Variants in CTDSP1 observed in about 807,000 individuals in gnomAD.
CTDSP1 encodes carboxy-terminal domain RNA polymerase II polypeptide A small phosphatase 1.
In CTDSP1, 15 loss-of-function variants were observed where a neutral mutation model predicts 32.5. The ratio of observed to expected loss-of-function variants is 0.46; its 90% CI spans 0.31 to 0.71. The LOEUF (loss-of-function observed/expected upper bound fraction) is 0.71, where lower values mean the gene tolerates loss of function less well. CTDSP1 is among the 30% of genes least tolerant of loss of function. The probability of loss-of-function intolerance (pLI) is 0.05; values close to 1 mark genes in which losing one functional copy is unlikely to be tolerated. For synonymous variants in CTDSP1, 185 were observed against 145.4 expected, an observed-to-expected ratio of 1.27 and a Z score of -1.96; for missense variants, 294 against 351.1, an observed-to-expected ratio of 0.84 and a Z score of 1.30.
chr2:218,401,463 CG>C (rs1697134586), intron 1 of CTDSP1, 100 bp from the exon 2 acceptor site: 2 of 1,395,512 alleles, frequency 1.4e-6, no homozygotes, highest in East Asian at 4.7e-5. Context: ...GAAGGGGCCA[CG>C]GCAAGATCCT....
At chr2:218,402,600 T>C (rs754385144) in intron 4 of CTDSP1, 195 bp downstream of exon 4, 1 of 758,628 alleles carries the variant, frequency 1.3e-6, no homozygotes, top group Admixed American at 1.9e-5. Context: ...CAGAGTGGGC[T>C]CCTCCTCTAG....
Position 218,405,694 on chromosome 2 carries a change from T to A in CTDSP1, c.*1269T>A, listed in dbSNP as rs1043990400. The A allele has an allele frequency of 9.8e-5, 15 of 152,902 alleles. No homozygotes were observed. The Admixed American group carries it at 9.8e-4, about 10-fold the overall frequency. The allele number at this position is 152,902 out of a possible 1,614,324, so 9.5% of individuals were successfully genotyped here. ...GCCTTCCAACTGTTTCTGAAGCCCC[T>A]CCTCCTAACATGGCGATTCCGGAGG... On this transcript the variant is annotated 3_prime_UTR_variant, in exon 7 of 7. Transcript: ENST00000273062.
At chr2:218,398,548 T>C, upstream of CTDSP1, 1 of 1,167,476 alleles carries the variant, frequency 8.6e-7, no homozygotes, top group South Asian at 1.7e-5. Context: ...CCGCGCCTTC[T>C]GGCAGACGCC....
chr2:218,402,044 A>T, intron 2 of CTDSP1, 67 bp from the exon 3 acceptor site: 1 of 1,099,374 alleles, frequency 9.1e-7, no homozygotes, highest in Non-Finnish European at 1.4e-6. Flanking sequence ...CTAGGGGGAG[A>T]AGCCTGCGTG....
intron 4 of CTDSP1, chr2:218,402,714 G>C (rs781643021): frequency 1.3e-6 from 1 of 758,270 alleles, no homozygotes; most frequent in Admixed American, 1.7e-5. Context: ...TACTTGGCTC[G>C]GGGACCGGTG....
intron 4 of CTDSP1, 78 bp from the exon 5 acceptor site, chr2:218,402,957 G>A: frequency 9.4e-7 from 1 of 1,068,126 alleles, no homozygotes; most frequent in Non-Finnish European, 1.4e-6. Flanking sequence ...CTGCCTCCCT[G>A]GCCCATGCCC....
upstream of CTDSP1, chr2:218,399,867 T>C: frequency 1.6e-6 from 2 of 1,243,426 alleles, no homozygotes; most frequent in Non-Finnish European, 2.0e-6. Flanking sequence ...GTTCCATGTT[T>C]GCATCCGCCT....
chr2:218,403,001 T>C, intron 4 of CTDSP1, 34 bp from the exon 5 acceptor site: 4 of 1,515,944 alleles, frequency 2.6e-6, no homozygotes, highest in Non-Finnish European at 3.7e-6. Context: ...ACTGCCCCAC[T>C]GGCCCGCAGC....
At chr2:218,396,445 G>A (rs574282017), upstream of CTDSP1, 2 of 152,570 alleles carry the variant, frequency 1.3e-5, no homozygotes, top group Non-Finnish European at 2.9e-5. Context: ...CCTGGGCCGG[G>A]TGTTGCACCT....
chr2:218,397,763 C>A (rs1215546231), upstream of CTDSP1, among the ~76,000 whole-genome samples: 2 of 152,200 alleles, frequency 1.3e-5, no homozygotes, highest in African/African-American at 4.8e-5. Flanking sequence ...CCCCCTCCCC[C>A]CACGCAATCC....
In CTDSP1 at chr2:218,405,534, G is replaced by A. The variant is rs1291073569; in HGVS notation, c.*1109G>A. The A allele has an allele frequency of 1.3e-5, 2 of 153,068 alleles. No individual in the cohort carries two copies. The highest frequency in any genetic ancestry group is 4.8e-5 in the African/African-American group (2 of 41,456). 9.5% of individuals were successfully genotyped at this position (153,068 alleles called of 1,614,324 possible). ...CACCGGTGCCTTTGGGGGATCTGTA[G>A]GAGGTGGGACCTTCTGTGGGGTTTG... is the stretch of plus-strand genomic sequence containing the variant. On this transcript the variant is annotated 3_prime_UTR_variant, in exon 7 of 7. Coordinates refer to ENST00000273062, the MANE Select transcript of CTDSP1 (RefSeq NM_021198.3).
chr2:218,400,354 C>A, intron 1 of CTDSP1, 197 bp downstream of exon 1: 1 of 690,960 alleles, frequency 1.4e-6, no homozygotes, highest in African/African-American at 1.8e-5. Context: ...GGCCTGGCGC[C>A]TTTGGGGCGC....
In CTDSP1 at chr2:218,402,235, C is replaced by T. The variant is rs745358670; in HGVS notation, c.321+20C>T. 2 of 1,612,298 alleles carry T rather than the reference C, an allele frequency of 1.2e-6. No individual in the cohort carries two copies. Among genetic ancestry groups the T allele is most frequent in the Non-Finnish European group, 1.7e-6 (2 of 1,178,574 alleles). ...TTCAAGGTGGGCCCTGCTCAACAGC[C>T]CTCAGCCCGGGTCTCGGGGGGCATC... is the stretch of plus-strand genomic sequence containing the variant. On this transcript the variant is annotated intron_variant, in intron 3 of 6. Coordinates refer to ENST00000273062, the MANE Select transcript of CTDSP1 (RefSeq NM_021198.3).
intron 1 of CTDSP1, 39 bp from the exon 2 acceptor site, chr2:218,401,525 G>C (rs1358105654): frequency 1.9e-6 from 3 of 1,610,528 alleles, no homozygotes; most frequent in East Asian, 2.2e-5. Context: ...CTGCAGGCCA[G>C]TGTGCACCGA....
At chr2:218,402,511 T>A in intron 4 of CTDSP1, 106 bp downstream of exon 4, 5 of 1,152,968 alleles carry the variant, frequency 4.3e-6, no homozygotes, top group Non-Finnish European at 6.5e-6. Flanking sequence ...ACATGTGGAA[T>A]GTCAGAGGCC....
At chr2:218,402,434 C>T (rs761873445) in intron 4 of CTDSP1, 29 bp downstream of exon 4, 33 of 1,594,222 alleles carry the variant, frequency 2.1e-5, no homozygotes, top group Non-Finnish European at 2.7e-5. Flanking sequence ...CAGTGGTGGG[C>T]TTGGCATCTG....
rs776313857 is a variant in CTDSP1, at chr2:218,402,148, C to T, written c.254C>T (p.Ala85Val). 2 of 1,613,662 alleles carry T rather than the reference C, an allele frequency of 1.2e-6. No individual in the cohort carries two copies. The highest frequency in any genetic ancestry group is 8.5e-7 in the Non-Finnish European group (1 of 1,179,924). ...CAATACCTGCTCCCTGAGGCCAAGGCCCAGGACTCAGACAAGATCTGCGTG... is the reference window on the plus strand; with the variant it reads ...CAATACCTGCTCCCTGAGGCCAAGGTCCAGGACTCAGACAAGATCTGCGTG... ...PVQYLLPEAK[A>V]QDSDKICVVI... The change falls in exon 3 of 7, where the codon GCC (alanine) becomes GTC (valine). Residue 85 changes from alanine to valine, a missense_variant. Around this residue, in one of 2 missense-constraint regions of CTDSP1, gnomAD observed 148 missense variants for 113.3 expected, o/e 1.31. Transcript: ENST00000273062.
upstream of CTDSP1, chr2:218,399,169 G>C (rs1308460734): frequency 6.6e-6 from 1 of 152,282 alleles, no homozygotes; most frequent in African/African-American, 2.4e-5. Context: ...CAGCGCGTAC[G>C]AAAACTTCAG....
At chr2:218,402,645 C>T (rs772118973) in intron 4 of CTDSP1, 1 of 766,730 alleles carries the variant, frequency 1.3e-6, no homozygotes, top group Admixed American at 1.7e-5. Flanking sequence ...CCCCACCCTG[C>T]CCGGGACCCA....
Sources: gnomAD v4.1 joint callset for allele counts (sites outside exome capture counted in the v4.1 genomes callset) on GRCh38, gnomAD v4.1.1 for gene constraint, gnomAD v4.1.1 regional missense constraint, MANE v1.5 for transcripts, NCBI Gene and HGNC (gene_info 2026-07-23, HGNC 2026-07-21) for gene names.